Variants in LSAMP observed in about 807,000 individuals in gnomAD.
LSAMP encodes the protein limbic system associated membrane protein.
A neutral mutation model predicts 38.6 loss-of-function variants in LSAMP; 7 were observed. That is an observed-to-expected ratio of 0.18 (90% CI 0.10 to 0.34). LSAMP has a LOEUF of 0.34. Ranked by LOEUF, LSAMP falls within the 10% of genes least tolerant of loss-of-function variation. The pLI is 1.00. For missense variants in LSAMP, 313 were observed against 420.0 expected, an observed-to-expected ratio of 0.75 and a Z score of 2.23; for synonymous variants, 154 against 166.8, an observed-to-expected ratio of 0.92 and a Z score of 0.59.
intron 1 of LSAMP, among the ~76,000 whole-genome samples, chr3:116,308,479 G>A (rs551635039): frequency 6.6e-6 from 1 of 152,146 alleles, no homozygotes; most frequent in Admixed American, 6.5e-5. Context: ...TAAATTCTGT[G>A]AATGAAGCAG....
intron 3 of LSAMP, among the ~76,000 whole-genome samples, chr3:115,966,406 AT>A (rs1938815426): frequency 6.6e-6 from 1 of 152,170 alleles, no homozygotes; most frequent in African/African-American, 2.4e-5. Context: ...TGATTCTGAA[AT>A]TTTTATTAGC....
intron 1 of LSAMP, among the ~76,000 whole-genome samples, chr3:116,155,056 T>A (rs1176768144): frequency 6.6e-6 from 1 of 152,110 alleles, no homozygotes; most frequent in African/African-American, 2.4e-5. Context: ...TTATTTTTTT[T>A]ATGTCAGACC....
At chr3:115,861,267 A>G (rs1280933859) in intron 3 of LSAMP, among the ~76,000 whole-genome samples, 1 of 150,892 alleles carries the variant, frequency 6.6e-6, no homozygotes, top group Non-Finnish European at 1.5e-5. Context: ...ATCGTATGAA[A>G]ATTCTATTTG....
At chr3:115,840,602 G>A (rs189214495) in intron 6 of LSAMP, among the ~76,000 whole-genome samples, 3 of 152,326 alleles carry the variant, frequency 2.0e-5, no homozygotes, top group East Asian at 1.9e-4. Context: ...AGTTACAAAT[G>A]AGAAACTAAA....
chr3:116,108,315 A>C (rs1708514950), intron 1 of LSAMP, among the ~76,000 whole-genome samples: 1 of 146,214 alleles, frequency 6.8e-6, no homozygotes, highest in Admixed American at 6.6e-5. Context: ...GCAGGTGGGG[A>C]TAACTAAAAA....
chr3:116,253,995 G>A (rs761470163), intron 1 of LSAMP, among the ~76,000 whole-genome samples: 3 of 152,080 alleles, frequency 2.0e-5, no homozygotes, highest in Non-Finnish European at 4.4e-5. Flanking sequence ...GTTCCATGAT[G>A]GTCTTTTATC....
chr3:116,334,589 A>G (rs2047894295), intron 1 of LSAMP, among the ~76,000 whole-genome samples: 1 of 152,140 alleles, frequency 6.6e-6, no homozygotes, highest in African/African-American at 2.4e-5. Flanking sequence ...GATTCAACAC[A>G]CACAAAAAGT....
At chr3:116,127,770 T>G in intron 1 of LSAMP, among the ~76,000 whole-genome samples, 1 of 150,726 alleles carries the variant, frequency 6.6e-6, no homozygotes, top group East Asian at 2.0e-4. Flanking sequence ...ATGCTTTGAC[T>G]TTCCTTTTTT....
chr3:115,857,894 A>G (rs1935557085), intron 3 of LSAMP, among the ~76,000 whole-genome samples: 1 of 152,158 alleles, frequency 6.6e-6, no homozygotes, highest in Non-Finnish European at 1.5e-5. Flanking sequence ...TGTGGAGGCA[A>G]ATCAGCCAGG....
chr3:116,346,536 C>T (rs2048066975), intron 1 of LSAMP, among the ~76,000 whole-genome samples: 1 of 152,006 alleles, frequency 6.6e-6, no homozygotes, highest in Non-Finnish European at 1.5e-5. Context: ...ACCATGTTGT[C>T]CAGGCTGGTC....
intron 1 of LSAMP, among the ~76,000 whole-genome samples, chr3:116,312,653 T>G (rs1037371424): frequency 6.6e-6 from 1 of 152,172 alleles, no homozygotes; most frequent in Non-Finnish European, 1.5e-5. Context: ...CTACCTACAT[T>G]CCCCTCAAGA....
At chr3:116,123,062 A>G (rs1708919676) in intron 1 of LSAMP, among the ~76,000 whole-genome samples, 1 of 152,202 alleles carries the variant, frequency 6.6e-6, no homozygotes, top group African/African-American at 2.4e-5. Flanking sequence ...CAAAAAAATT[A>G]TTTTGTTTTA....
At chr3:115,951,363 C>T (rs1938282965) in intron 3 of LSAMP, among the ~76,000 whole-genome samples, 1 of 152,140 alleles carries the variant, frequency 6.6e-6, no homozygotes, top group African/African-American at 2.4e-5. Flanking sequence ...AAAATATTCA[C>T]AAACTATGCA....
intron 1 of LSAMP, among the ~76,000 whole-genome samples, chr3:116,115,928 G>A (rs558179151): frequency 1.1e-4 from 17 of 151,630 alleles, no homozygotes; most frequent in South Asian, 1.0e-3. Flanking sequence ...TCCGTAGGGC[G>A]GCTTCCACCC....
chr3:116,420,736 G>T (rs998305971), intron 1 of LSAMP, among the ~76,000 whole-genome samples: 1 of 151,966 alleles, frequency 6.6e-6, no homozygotes, highest in Non-Finnish European at 1.5e-5. Flanking sequence ...TATTAGCCGG[G>T]CGTGGTGGTA....
At chr3:115,852,809 C>T (rs1198169257) in intron 3 of LSAMP, among the ~76,000 whole-genome samples, 192 bp from the exon 4 acceptor site, 1 of 152,156 alleles carries the variant, frequency 6.6e-6, no homozygotes, top group Non-Finnish European at 1.5e-5. Flanking sequence ...GTAGAAAATA[C>T]TCTCAGGAAA....
rs962485556 is a variant in LSAMP, at chr3:116,211,517, T to C, written c.156-124961A>G. 5.5e-4 allele frequency among the ~76,000 whole-genome samples: 84 copies of C among 152,326 alleles called. 1 individual carries two copies. The highest frequency in any genetic ancestry group is 6.8e-3 in the Middle Eastern group (2 of 294). ...AATAATAAAGCAATAACCAAGACTC[T>C]ATTAAGCTAATTGGGTTTGTACTCT... On this transcript the variant is annotated intron_variant, in intron 1 of 6. Transcript: ENST00000490035.
At chr3:115,840,997 T>C (rs1934980077) in intron 6 of LSAMP, among the ~76,000 whole-genome samples, 1 of 152,278 alleles carries the variant, frequency 6.6e-6, no homozygotes, top group Non-Finnish European at 1.5e-5. Flanking sequence ...ATCATTTTCC[T>C]GTGACTCCAT....
At chr3:116,295,048 G>T (rs1251651878) in intron 1 of LSAMP, among the ~76,000 whole-genome samples, 1 of 152,148 alleles carries the variant, frequency 6.6e-6, no homozygotes, top group Non-Finnish European at 1.5e-5. Flanking sequence ...GGGGGTATAA[G>T]AATGCCCCTG....
Sources: allele counts gnomAD v4.1 joint callset (sites outside exome capture counted in the v4.1 genomes callset), GRCh38; gene constraint gnomAD v4.1.1; transcripts MANE v1.5; gene names NCBI Gene and HGNC (gene_info 2026-07-23, HGNC 2026-07-21).